CCDC171: variants seen among roughly 807,000 people sequenced by gnomAD.
The protein encoded by CCDC171 is coiled-coil domain containing 171.
In CCDC171, 177 loss-of-function variants were observed where a neutral mutation model predicts 168.2. That is an observed-to-expected ratio of 1.05 (90% CI 0.93 to 1.19). The LOEUF is 1.19. Ranked by LOEUF, CCDC171 falls within the 50% of genes most tolerant of loss-of-function variation. CCDC171 has a pLI of 0.00. For synonymous variants in CCDC171, 687 were observed against 540.8 expected (o/e 1.27, Z -3.75); for missense variants, 1,991 against 1,539.0 (o/e 1.29, Z -4.91).
chr9:15,592,963 GCTGCACC>G (rs2042098067), intron 5 of CCDC171, among the ~76,000 whole-genome samples: 2 of 151,900 alleles, frequency 1.3e-5, no homozygotes, highest in Non-Finnish European at 2.9e-5. Flanking sequence ...ATGCTGGTGT[GCTGCACC>G]CATTAACTTG....
At chr9:15,638,042 C>T (rs1393424245) in intron 7 of CCDC171, among the ~76,000 whole-genome samples, 2 of 152,138 alleles carry the variant, frequency 1.3e-5, no homozygotes, top group Non-Finnish European at 2.9e-5. Flanking sequence ...GAGGAATCAC[C>T]ACACTGACTT....
chr9:15,655,450 C>T (rs745918325), intron 7 of CCDC171, among the ~76,000 whole-genome samples: 19 of 152,210 alleles, frequency 1.2e-4, no homozygotes, highest in South Asian at 2.1e-4. Flanking sequence ...ACTAGTAATC[C>T]GCTACTTCCC....
chr9:15,964,619 A>G (rs1472357007), intron 25 of CCDC171, among the ~76,000 whole-genome samples: 1 of 151,892 alleles, frequency 6.6e-6, no homozygotes, highest in Non-Finnish European at 1.5e-5. Flanking sequence ...ACCTGGGAGA[A>G]TTCTTCAACT....
At chr9:16,092,331 G>T in the CCDC171 span, among the ~76,000 whole-genome samples, 1 of 152,216 alleles carries the variant, frequency 6.6e-6, no homozygotes, top group African/African-American at 2.4e-5. Context: ...TCGAAATGCA[G>T]ATTCCAGGCT....
rs546862287 is a variant in CCDC171, at chr9:16,028,039, G to A, written n.998+5131G>A. Among the ~76,000 whole-genome samples, 24 of 152,256 alleles carry A rather than the reference G, an allele frequency of 1.6e-4. No individual in the cohort carries two copies. In the South Asian group the frequency reaches 4.8e-3, roughly 30 times the overall value. ...CAAGGAGAAGGCAGCATTTGAACTAGCCTTGACACATAGGTTAAATTTTGT... is the reference window on the plus strand; with the variant it reads ...CAAGGAGAAGGCAGCATTTGAACTAACCTTGACACATAGGTTAAATTTTGT... On this transcript the variant is annotated intron_variant and non_coding_transcript_variant, in intron 6 of 9. Coordinates refer to the CCDC171 transcript ENST00000486641.
intron 24 of CCDC171, among the ~76,000 whole-genome samples, chr9:15,883,548 C>T (rs1248206824): frequency 6.6e-6 from 1 of 152,130 alleles, no homozygotes; most frequent in Non-Finnish European, 1.5e-5. Context: ...GGTTGTATTT[C>T]AGACCAGTGT....
At position 15,850,628 on chromosome 9, in the gene CCDC171, G is replaced by T. The variant is rs1276880163; in HGVS notation, c.3468+1681G>T. ...TTTCAAGCTTGTAGTGAAAACTTAG[G>T]AAAGATAATTGGGGATAATTCTGTT... On this transcript the variant is annotated intron_variant, in intron 23 of 25. Transcript: ENST00000380701. 2.6e-5 allele frequency among the ~76,000 whole-genome samples: 4 copies of T among 151,964 alleles called. No homozygotes were observed. The East Asian group carries it at 7.7e-4, about 29-fold the overall frequency.
At chr9:15,895,179 G>C (rs960055396) in intron 24 of CCDC171, among the ~76,000 whole-genome samples, 1 of 152,094 alleles carries the variant, frequency 6.6e-6, no homozygotes, top group East Asian at 1.9e-4. Context: ...AATAATTCCT[G>C]TTTTTCAAGG....
At chr9:15,628,794 C>G (rs1052569067) in intron 7 of CCDC171, among the ~76,000 whole-genome samples, 2 of 152,312 alleles carry the variant, frequency 1.3e-5, no homozygotes, top group East Asian at 3.9e-4. Flanking sequence ...TAGAGGCAGA[C>G]TGACACCTCA....
chr9:15,623,503 A>ACACACACACC, intron 7 of CCDC171, 90 bp downstream of exon 7: 1 of 684,122 alleles, frequency 1.5e-6, no homozygotes, highest in Non-Finnish European at 2.3e-6. Context: ...ACACACACAC[A>ACACACACACC]CACATAAAAC....
intron 11 of CCDC171, among the ~76,000 whole-genome samples, chr9:15,707,216 CATT>C (rs1183809659): frequency 6.6e-6 from 1 of 152,186 alleles, no homozygotes; most frequent in Non-Finnish European, 1.5e-5. Context: ...TGCCGCACTT[CATT>C]ATACTCATAG....
At chr9:15,642,809 C>G (rs912313853) in intron 7 of CCDC171, among the ~76,000 whole-genome samples, 1 of 151,974 alleles carries the variant, frequency 6.6e-6, no homozygotes, top group African/African-American at 2.4e-5. Context: ...CTGTGTTTTG[C>G]TCTAAGCAGG....
intron 6 of CCDC171, among the ~76,000 whole-genome samples, chr9:15,614,946 T>C (rs190288298): frequency 6.6e-6 from 1 of 152,200 alleles, no homozygotes; most frequent in Non-Finnish European, 1.5e-5. Context: ...TGGCCCATAT[T>C]GTTTTACCAA....
intron 25 of CCDC171, among the ~76,000 whole-genome samples, chr9:15,958,627 C>T (rs907323752): frequency 6.6e-6 from 1 of 151,166 alleles, no homozygotes; most frequent in East Asian, 1.9e-4. Flanking sequence ...CTTTGACTAA[C>T]AGTAGGAGTT....
intron 3 of CCDC171, among the ~76,000 whole-genome samples, chr9:15,985,027 C>T (rs1339277865): frequency 1.3e-5 from 2 of 151,928 alleles, no homozygotes; most frequent in African/African-American, 2.4e-5. Context: ...ACATATCTAC[C>T]AGTGGTAGAA....
Position 15,723,727 on chromosome 9 carries a change from C to T in CCDC171, c.1472C>T (p.Ser491Phe). The change falls in exon 13 of 26, where the codon TCT becomes TTT. Residue 491 changes from serine (S) to phenylalanine (F), a missense_variant. Transcript: ENST00000380701. ...ELDSTKQKIDSHTKNIKELQD... is the reference protein window; with the variant it reads ...ELDSTKQKIDFHTKNIKELQD... ...GATTCTACGAAACAGAAGATAGACTCTCACACTAAAAATATAAAGGTATTA... is the reference window on the plus strand; with the variant it reads ...GATTCTACGAAACAGAAGATAGACTTTCACACTAAAAATATAAAGGTATTA... The T allele has an allele frequency of 1.3e-6, 2 of 1,540,380 alleles. No individual in the cohort carries two copies. The highest frequency in any genetic ancestry group is 1.2e-5 in the South Asian group (1 of 86,348).
chr9:15,937,946 G>C (rs1827290132), intron 25 of CCDC171, among the ~76,000 whole-genome samples: 1 of 151,860 alleles, frequency 6.6e-6, no homozygotes, highest in South Asian at 2.1e-4. Context: ...GAAGAGATGG[G>C]TTGGTAATAT....
chr9:15,797,269 T>C (rs1251626446), intron 21 of CCDC171, among the ~76,000 whole-genome samples: 2 of 152,136 alleles, frequency 1.3e-5, no homozygotes, highest in Non-Finnish European at 2.9e-5. Context: ...CAGGCTGGAG[T>C]GCAGTGGCGC....
At chr9:15,953,956 C>T (rs112880666) in intron 25 of CCDC171, among the ~76,000 whole-genome samples, 5 of 151,908 alleles carry the variant, frequency 3.3e-5, no homozygotes, top group Admixed American at 2.0e-4. Flanking sequence ...TTCAATTTGT[C>T]GGTACAATTG....
Sources: gnomAD v4.1 joint callset for allele counts (sites outside exome capture counted in the v4.1 genomes callset) on GRCh38, gnomAD v4.1.1 for gene constraint, MANE v1.5 for transcripts, NCBI Gene and HGNC (gene_info 2026-07-23, HGNC 2026-07-21) for gene names.